The following FOXP1 variants were observed in gnomAD, a reference collection of about 807,000 sequenced individuals.
FOXP1 encodes forkhead box protein P1.
A neutral mutation model predicts 98.2 loss-of-function variants in FOXP1; 15 were observed. The ratio of observed to expected loss-of-function variants is 0.15; its 90% confidence interval spans 0.10 to 0.24. The LOEUF is 0.24. Among genes scored for constraint, FOXP1 ranks in the 10% least tolerant of loss-of-function variants. The probability of loss-of-function intolerance (pLI) is 1.00; values close to 1 mark genes in which losing one functional copy is unlikely to be tolerated. For missense variants in FOXP1, 633 were observed against 848.5 expected (o/e 0.75, Z 3.15); for synonymous variants, 371 against 314.5 (o/e 1.18, Z -1.90).
intron 6 of FOXP1, among the ~76,000 whole-genome samples, chr3:71,172,178 G>A (rs1253200128): frequency 1.3e-5 from 2 of 151,784 alleles, no homozygotes; most frequent in Non-Finnish European, 2.9e-5. Context: ...TTTAATACAA[G>A]AAAATTCACA....
Position 71,198,327 on chromosome 3 carries a change from C to A in FOXP1, c.55G>T (p.Gly19Trp), listed in dbSNP as rs2063430712. ...AGTAAGTGGTTGCTGCCGCCCGACC[C>A]ATTCTGGATGGCTGAACCGTTACTT... The part of the protein sequence containing the change: ...TKSNGSAIQN[G>W]SGGSNHLLEC... Residue 19 changes from glycine to tryptophan, a missense_variant, in exon 6 of 21, where the codon GGG (glycine) becomes TGG (tryptophan). By Grantham distance (184) the Gly-to-Trp change is radical. Coordinates refer to ENST00000649528, the MANE Select transcript of FOXP1 (RefSeq NM_001349338.3). The A allele has an allele frequency of 6.2e-7, 1 of 1,609,800 alleles. No individual in the cohort carries two copies. The highest frequency in any genetic ancestry group is 1.7e-5 in the Admixed American group (1 of 59,250).
At chr3:71,441,228 T>C (rs2085905881) in intron 3 of FOXP1, among the ~76,000 whole-genome samples, 1 of 152,252 alleles carries the variant, frequency 6.6e-6, no homozygotes, top group African/African-American at 2.4e-5. Flanking sequence ...TCAGTCATTC[T>C]CATGGAAGTA....
At chr3:71,539,928 T>C (rs943444946) in intron 2 of FOXP1, among the ~76,000 whole-genome samples, 1 of 152,330 alleles carries the variant, frequency 6.6e-6, no homozygotes, top group East Asian at 1.9e-4. Context: ...GCACAAATAG[T>C]GTCTGTCTTG....
intron 11 of FOXP1, among the ~76,000 whole-genome samples, chr3:71,036,632 A>C (rs181307065): frequency 6.6e-6 from 1 of 152,344 alleles, no homozygotes; most frequent in East Asian, 1.9e-4. Flanking sequence ...AGGATTTATA[A>C]GGCAGGAAAA....
intron 19 of FOXP1, among the ~76,000 whole-genome samples, chr3:70,967,700 G>GT (rs1553657848): frequency 0.018 from 1,172 of 63,554 alleles, 29 homozygotes; most frequent in Middle Eastern, 0.026. Flanking sequence ...TTTTTTTTTT[G>GT]TTTTTTTTTG....
intron 20 of FOXP1, among the ~76,000 whole-genome samples, chr3:70,962,109 T>G (rs977337395): frequency 9.2e-5 from 14 of 152,196 alleles, no homozygotes; most frequent in African/African-American, 3.4e-4. Flanking sequence ...TCTGTTTCCA[T>G]TTGAGGTCAT....
intron 3 of FOXP1, among the ~76,000 whole-genome samples, chr3:71,422,496 T>G (rs1420718637): frequency 6.6e-6 from 1 of 152,014 alleles, no homozygotes; most frequent in Non-Finnish European, 1.5e-5. Flanking sequence ...GGGCATGGGG[T>G]CCCTCCCCCA....
intron 11 of FOXP1, 21 bp from the exon 12 acceptor site, chr3:71,015,674 G>C (rs768809666): frequency 6.5e-7 from 1 of 1,526,956 alleles, no homozygotes. Flanking sequence ...ACACACAGAA[G>C]ACCAGAGAAT....
intron 12 of FOXP1, among the ~76,000 whole-genome samples, chr3:71,011,245 A>G (rs1009440421): frequency 6.6e-6 from 1 of 152,110 alleles, no homozygotes; most frequent in Non-Finnish European, 1.5e-5. Context: ...TCTCATCCCC[A>G]GCCCCCATGT....
intron 7 of FOXP1, chr3:71,064,908 G>C: frequency 6.0e-6 from 4 of 664,852 alleles, no homozygotes; most frequent in Non-Finnish European, 7.4e-6. Flanking sequence ...GGCGGCCTCG[G>C]CGTGCAGGCG....
intron 2 of FOXP1, among the ~76,000 whole-genome samples, chr3:71,519,029 T>C (rs1475159535): frequency 2.6e-5 from 4 of 152,204 alleles, no homozygotes; most frequent in Non-Finnish European, 5.9e-5. Flanking sequence ...GCGGATCGCC[T>C]GAGATCGGGA....
chr3:71,506,828 C>T (rs1471397160), intron 2 of FOXP1, among the ~76,000 whole-genome samples: 1 of 152,204 alleles, frequency 6.6e-6, no homozygotes. Flanking sequence ...CCCAACGTTG[C>T]CATAGAGTAG....
At chr3:71,325,094 C>A (rs1356582090) in intron 4 of FOXP1, among the ~76,000 whole-genome samples, 1 of 142,902 alleles carries the variant, frequency 7.0e-6, no homozygotes, top group South Asian at 2.2e-4. Context: ...GCTGTGTCAT[C>A]CAGGCTGGAG....
intron 6 of FOXP1, among the ~76,000 whole-genome samples, chr3:71,151,180 A>G (rs2108065381): frequency 6.6e-6 from 1 of 152,320 alleles, no homozygotes; most frequent in African/African-American, 2.4e-5. Flanking sequence ...GAATACTGCT[A>G]CCTGGGAGCA....
At chr3:71,015,722 A>G (rs2044364792) in intron 11 of FOXP1, 69 bp from the exon 12 acceptor site, 10 of 1,112,296 alleles carry the variant, frequency 9.0e-6, no homozygotes, top group Non-Finnish European at 1.3e-5. Flanking sequence ...AGACGAGGAT[A>G]AAAAAGGCAG....
chr3:70,974,213 T>C (rs1404755649), intron 17 of FOXP1, among the ~76,000 whole-genome samples: 1 of 152,078 alleles, frequency 6.6e-6, no homozygotes, highest in East Asian at 1.9e-4. Context: ...AATAAAAATC[T>C]CTAAACCGAA....
intron 5 of FOXP1, among the ~76,000 whole-genome samples, chr3:71,235,131 GAA>G (rs11292668): frequency 6.6e-6 from 1 of 151,052 alleles, no homozygotes; most frequent in East Asian, 2.0e-4. Flanking sequence ...TTCTGATGGG[GAA>G]AAAAAAAATC....
At chr3:71,502,151 G>C (rs984418341) in intron 2 of FOXP1, among the ~76,000 whole-genome samples, 2 of 152,198 alleles carry the variant, frequency 1.3e-5, no homozygotes, top group Non-Finnish European at 1.5e-5. Context: ...TTCCACTCAT[G>C]ATTCAATTAA....
At chr3:71,330,642 T>G in intron 4 of FOXP1, among the ~76,000 whole-genome samples, 1 of 152,166 alleles carries the variant, frequency 6.6e-6, no homozygotes, top group East Asian at 1.9e-4. Context: ...AAGACATGAG[T>G]GCCCAATAAT....
Sources: allele counts gnomAD v4.1 joint callset (sites outside exome capture counted in the v4.1 genomes callset), GRCh38; gene constraint gnomAD v4.1.1; transcripts MANE v1.5; gene names NCBI Gene and HGNC (gene_info 2026-07-23, HGNC 2026-07-21).